HMCN2: variants seen among roughly 807,000 people sequenced by gnomAD.
HMCN2 encodes hemicentin-2.
Under a neutral mutation model 377.5 loss-of-function variants are expected in HMCN2, and 325 were observed. The observed-to-expected ratio is 0.86, with a 90% CI of 0.79 to 0.94. The LOEUF (loss-of-function observed/expected upper bound fraction) is 0.94. HMCN2 is among the 40% of genes least tolerant of loss of function. HMCN2 has a pLI of 0.00. For synonymous variants in HMCN2, 2,007 were observed against 2,046.8 expected (o/e 0.98, Z 0.53); for missense variants, 4,543 against 4,725.3 (o/e 0.96, Z 1.13).
intron 1 of HMCN2, among the ~76,000 whole-genome samples, chr9:130,276,405 T>C (rs1588155776): frequency 6.7e-6 from 1 of 149,822 alleles, no homozygotes; most frequent in Non-Finnish European, 1.5e-5. Context: ...TGGGGGAGGG[T>C]CAGAGCAGGA....
In HMCN2 at chr9:130,415,304, C is replaced by A. The variant is rs533745093; in HGVS notation, c.12962-3468C>A. ...AGAACTGATACTCAACAGACACCAACTGAGATAGCACAGATGTTTGAGTCA... is the reference window on the plus strand; with the variant it reads ...AGAACTGATACTCAACAGACACCAAATGAGATAGCACAGATGTTTGAGTCA... On this transcript the variant is annotated intron_variant, in intron 85 of 97. Coordinates refer to ENST00000683500, the MANE Select transcript of HMCN2 (RefSeq NM_001291815.2). Among the ~76,000 whole-genome samples, 269 of 152,338 alleles carry A rather than the reference C, an allele frequency of 1.8e-3. 2 individuals carry two copies. The highest frequency in any genetic ancestry group is 1.9e-3 in the Non-Finnish European group (130 of 68,038).
chr9:130,406,656 C>T (rs1843106587), intron 82 of HMCN2: 1 of 170,658 alleles, frequency 5.9e-6, no homozygotes, highest in Non-Finnish European at 1.3e-5. Context: ...TATGACATCA[C>T]ACATTCCTAA....
intron 1 of HMCN2, among the ~76,000 whole-genome samples, chr9:130,275,552 C>T (rs981729267): frequency 3.9e-5 from 6 of 152,142 alleles, no homozygotes; most frequent in African/African-American, 7.2e-5. Flanking sequence ...TGGGTTCAAG[C>T]GATTCTCCTG....
chr9:130,357,381 G>A (rs376017178), intron 34 of HMCN2, among the ~76,000 whole-genome samples: 102 of 151,080 alleles, frequency 6.8e-4, no homozygotes, highest in African/African-American at 2.2e-3. Context: ...TAGATGGATG[G>A]ATGGGTGGAT....
Position 130,404,890 on chromosome 9 carries a change from G to C in HMCN2, c.12170G>C (p.Gly4057Ala), listed in dbSNP as rs775493174. The C allele has an allele frequency of 4.7e-6, 6 of 1,266,374 alleles. No homozygotes were observed. The highest frequency in any genetic ancestry group is 1.5e-5 in the African/African-American group (1 of 65,008). The allele number at this position is 1,266,374 out of a possible 1,614,324, so 78.4% of individuals were successfully genotyped here. The stretch of plus-strand genomic sequence containing the variant: ...GCAGTCCCACCAGTGATCGAGAATG[G>C]CCTCCCAGACCTGTCCACCACCGAA... ...VVQVPPVIENGLPDLSTTEGS... is the reference protein window; with the variant it reads ...VVQVPPVIENALPDLSTTEGS... The change falls in exon 81 of 98, where the codon GGC (glycine) becomes GCC (alanine). Residue 4057 changes from glycine to alanine, a missense_variant. Physicochemically the swap from Gly to Ala is moderately conservative, Grantham distance 60. This residue lies in a region of HMCN2 where 1,073 missense variants were observed against 1,319.5 expected (regional missense o/e 0.81). Transcript: ENST00000683500.
chr9:130,306,198 G>T lies in HMCN2; in HGVS notation c.1886G>T (p.Cys629Phe). ...FSQGVEVKVS[C>F]SASGYPTPHI... is the part of the protein sequence containing the mutation. The stretch of plus-strand genomic sequence containing the variant: ...CAAGGTGTGGAGGTGAAGGTCAGCT[G>T]CTCAGCCTCTGGATACCCCACACCC... Residue 629 changes from cysteine to phenylalanine, a missense_variant, in exon 12 of 98, where the codon TGC (cysteine) becomes TTC (phenylalanine). Transcript: ENST00000683500. 2.1e-6 allele frequency: 1 copy of T among 471,096 alleles called. No individual in the cohort carries two copies. The highest frequency in any genetic ancestry group is 2.0e-5 in the African/African-American group (1 of 50,170). 29.2% of individuals were successfully genotyped at this position (471,096 alleles called of 1,614,324 possible). A position where few individuals can be genotyped will look rare whatever the true frequency, so the allele number is the denominator to read the frequency against.
intron 23 of HMCN2, among the ~76,000 whole-genome samples, chr9:130,340,595 C>T (rs1838992916): frequency 6.6e-6 from 1 of 151,638 alleles, no homozygotes; most frequent in Non-Finnish European, 1.5e-5. Context: ...TCTCAGCTCA[C>T]TGTAACCTCC....
intron 1 of HMCN2, among the ~76,000 whole-genome samples, chr9:130,270,306 TC>T (rs371084192): frequency 0.47 from 41,840 of 88,752 alleles, 8,319 homozygotes; most frequent in South Asian, 0.52. Context: ...TTTTTTTTTT[TC>T]CCTATCACAA....
chr9:130,359,001 T>A (rs894968201), intron 36 of HMCN2, among the ~76,000 whole-genome samples: 3 of 152,162 alleles, frequency 2.0e-5, no homozygotes, highest in Middle Eastern at 3.4e-3. Context: ...CACATTCATA[T>A]TTACGTTTGC....
Position 130,433,513 on chromosome 9 carries a change from G to T in HMCN2, c.15060G>T (p.Met5020Ile), listed in dbSNP as rs1384576940. 15 of 1,489,570 alleles carry T rather than the reference G, an allele frequency of 1.0e-5. No homozygotes were observed. The highest frequency in any genetic ancestry group is 1.3e-5 in the South Asian group (1 of 78,240). The allele number at this position is 1,489,570 out of a possible 1,614,324, so 92.3% of individuals were successfully genotyped here. ...GVPANRTELS[M>I]LEPDPRSPFA... The stretch of plus-strand genomic sequence containing the variant: ...CCGCCAACCGCACCGAGCTCAGCAT[G>T]CTGGAGCCCGACCCCCGCAGCCCCT... Residue 5020 changes from methionine (M) to isoleucine (I), a missense_variant, in exon 98 of 98, where the codon ATG becomes ATT. By Grantham distance (10) the Met-to-Ile change is conservative. Transcript: ENST00000683500.
At position 130,319,603 on chromosome 9, in the gene HMCN2, G is replaced by A. The variant is rs1012429328; in HGVS notation, c.2459G>A (p.Arg820His). The A allele has an allele frequency of 0.072, 10,919 of 152,160 alleles. 546 individuals carry two copies. Among genetic ancestry groups the A allele is most frequent in the East Asian group, 0.24 (1,235 of 5,136 alleles). 9.4% of individuals were successfully genotyped at this position (152,160 alleles called of 1,614,324 possible). A position where few individuals can be genotyped will look rare whatever the true frequency, so the allele number is the denominator to read the frequency against. Reference protein sequence around the residue: ...TGRPPPTVTWRRGDGQPLGLR... With the variant: ...TGRPPPTVTWHRGDGQPLGLR... ...CGCCCGCCCCCGACGGTCACCTGGC[G>A]CCGCGGAGATGGCCAGCCTCTGGGA... The change falls in exon 16 of 98, where the codon CGC becomes CAC. Residue 820 changes from arginine to histidine, a missense_variant. By Grantham distance (29) the Arg-to-His change is conservative. Around this residue, in one of 5 missense-constraint regions of HMCN2, gnomAD observed 547 missense variants for 189.9 expected, o/e 2.88. Transcript: ENST00000683500.
intron 1 of HMCN2, among the ~76,000 whole-genome samples, chr9:130,284,316 G>A (rs1835298830): frequency 6.6e-6 from 1 of 152,176 alleles, no homozygotes; most frequent in South Asian, 2.1e-4. Flanking sequence ...GTCACCAAAG[G>A]TTGGGAGCTG....
chr9:130,354,357 C>G (rs1030750406), intron 31 of HMCN2, among the ~76,000 whole-genome samples: 1 of 152,214 alleles, frequency 6.6e-6, no homozygotes, highest in African/African-American at 2.4e-5. Context: ...CTGCCCCAGT[C>G]TTCTGCCTCC....
Position 130,382,704 on chromosome 9 carries a change from A to C in HMCN2, c.8571A>C (p.Thr2857=), listed in dbSNP as rs564136067. ...VLTPPVILGD[T]EELVEEVTVN... ...CCCCACCTGTGATCCTGGGTGACACAGAGGAGCTGGTGGAAGAGGTGACAG... is the reference window on the plus strand; with the variant it reads ...CCCCACCTGTGATCCTGGGTGACACCGAGGAGCTGGTGGAAGAGGTGACAG... The change falls in exon 56 of 98, where the codon ACA becomes ACC. Residue 2857 remains threonine, a synonymous_variant. Coordinates refer to ENST00000683500, the MANE Select transcript of HMCN2 (RefSeq NM_001291815.2). 1.0e-6 allele frequency: 1 copy of C among 983,798 alleles called. No homozygotes were observed. Among genetic ancestry groups the C allele is most frequent in the African/African-American group, 1.8e-5 (1 of 56,854 alleles). The allele number at this position is 983,798 out of a possible 1,614,324, so 60.9% of individuals were successfully genotyped here. A position where few individuals can be genotyped will look rare whatever the true frequency, so the allele number is the denominator to read the frequency against.
At chr9:130,398,810 G>A in intron 75 of HMCN2, 103 bp downstream of exon 75, 1 of 1,032,638 alleles carries the variant, frequency 9.7e-7, no homozygotes, top group South Asian at 1.6e-5. Flanking sequence ...GTGTGCTCAG[G>A]TCTCACCGGA....
At chr9:130,275,499 G>A (rs75237194) in intron 1 of HMCN2, among the ~76,000 whole-genome samples, 3,961 of 152,168 alleles carry the variant, frequency 0.026, 169 homozygotes, top group African/African-American at 0.09. Flanking sequence ...ACCTAGGCTG[G>A]AGTGCAGTGG....
At chr9:130,400,632 TG>T in intron 76 of HMCN2, 150 bp from the exon 77 acceptor site, 1 of 334,514 alleles carries the variant, frequency 3.0e-6, no homozygotes, top group South Asian at 3.1e-5. Context: ...ATGTGCTGAG[TG>T]GGCAAATGTG....
At position 130,348,645 on chromosome 9, in the gene HMCN2, T is replaced by C; in HGVS notation, c.4125T>C (p.Pro1375=). 2.3e-6 allele frequency: 3 copies of C among 1,302,080 alleles called. No homozygotes were observed. Among genetic ancestry groups the C allele is most frequent in the Non-Finnish European group, 2.0e-6 (2 of 988,482 alleles). The allele number at this position is 1,302,080 out of a possible 1,614,324, so 80.7% of individuals were successfully genotyped here. A position where few individuals can be genotyped will look rare whatever the true frequency, so the allele number is the denominator to read the frequency against. The change falls in exon 27 of 98, where the codon CCT becomes CCC. Residue 1375 remains proline (P), a synonymous_variant. Transcript: ENST00000683500. ...GTGACGCGAACGGCTTTCCAGTCCC[T>C]GAGATCGTGTGGCTGAAGGACGCGC... ...LECDANGFPV[P]EIVWLKDAQL...
rs185059336 is a variant in HMCN2 at position 130,297,132 on chromosome 9, T to C, written c.1012+338T>C. 1.6e-4 allele frequency among the ~76,000 whole-genome samples: 24 copies of C among 152,370 alleles called. No individual in the cohort carries two copies. The East Asian group carries it at 3.3e-3, about 21-fold the overall frequency. On this transcript the variant is annotated intron_variant, in intron 7 of 97. Transcript: ENST00000683500. Reference sequence around the variant, plus strand: ...TCTTCTTTCTTTTTGTCAAAACATATCTGCCTAGAGTCCTACTTCTTCAGT... The same window carrying C: ...TCTTCTTTCTTTTTGTCAAAACATACCTGCCTAGAGTCCTACTTCTTCAGT...
Sources: gnomAD v4.1 joint callset for allele counts (sites outside exome capture counted in the v4.1 genomes callset) on GRCh38, gnomAD v4.1.1 for gene constraint, gnomAD v4.1.1 regional missense constraint, MANE v1.5 for transcripts, NCBI Gene and HGNC (gene_info 2026-07-23, HGNC 2026-07-21) for gene names.